L3MBTL1: variants seen among roughly 807,000 people sequenced by gnomAD.
L3MBTL1 encodes the protein lethal(3)malignant brain tumor-like protein 1.
L3MBTL1 carries 75 observed loss-of-function variants against 105.3 expected under a neutral mutation model. The observed-to-expected ratio is 0.71, with a 90% CI of 0.59 to 0.86. The LOEUF (loss-of-function observed/expected upper bound fraction) is 0.86, where lower values mean the gene tolerates loss of function less well. L3MBTL1 is among the 40% of genes least tolerant of loss of function. The pLI is 0.00. For missense variants in L3MBTL1, 1,069 were observed against 1,126.4 expected, an observed-to-expected ratio of 0.95 and a Z score of 0.73; for synonymous variants, 452 against 436.2, an observed-to-expected ratio of 1.04 and a Z score of -0.45.
exon 19 of L3MBTL1, chr20:43,548,316 C>T (rs6065622): frequency 1.6e-5 from 20 of 1,231,678 alleles, no homozygotes; most frequent in Non-Finnish European, 1.9e-5. Flanking sequence ...TCTTCCTGAC[C>T]TGAATTCCTC....
At chr20:43,537,256 T>C (rs756228539) in intron 19 of L3MBTL1, among the ~76,000 whole-genome samples, 30 of 152,356 alleles carry the variant, frequency 2.0e-4, no homozygotes, top group Non-Finnish European at 3.8e-4. Context: ...GCTTACACAA[T>C]AGAAATTTAT....
downstream of L3MBTL1, among the ~76,000 whole-genome samples, chr20:43,544,423 C>G (rs980168758): frequency 6.6e-6 from 1 of 152,216 alleles, no homozygotes; most frequent in Non-Finnish European, 1.5e-5. Flanking sequence ...CCTCTACCTT[C>G]AAGGTCAGAA....
chr20:43,508,282 G>A (rs1416329151), intron 1 of L3MBTL1, among the ~76,000 whole-genome samples: 1 of 151,584 alleles, frequency 6.6e-6, no homozygotes, highest in Admixed American at 6.6e-5. Flanking sequence ...CGGAACTGTC[G>A]GATCAGTGAC....
chr20:43,510,140 C>T (rs2018093165), intron 1 of L3MBTL1, among the ~76,000 whole-genome samples: 1 of 152,166 alleles, frequency 6.6e-6, no homozygotes, highest in Non-Finnish European at 1.5e-5. Flanking sequence ...CAGGTGTGAG[C>T]CACCACGCAT....
chr20:43,548,214 T>C (rs1177362627), exon 19 of L3MBTL1: 8 of 1,304,288 alleles, frequency 6.1e-6, no homozygotes, highest in Non-Finnish European at 7.1e-6. Context: ...GCCATTCTCA[T>C]GTTCAAAAAC....
intron 7 of L3MBTL1, among the ~76,000 whole-genome samples, chr20:43,519,134 C>T (rs1210392200): frequency 1.3e-4 from 20 of 151,490 alleles, no homozygotes; most frequent in Admixed American, 1.1e-3. Context: ...CTCAGGAATT[C>T]GAGACCAGCC....
rs1258098294 is a variant in L3MBTL1, at chr20:43,537,911, A to G, written c.2173+1453A>G. Reference sequence around the variant, plus strand: ...GGCTGAGAGATCTTGGGTGGGTGACACTCCTCTCTGAGCCTCACCTTCCTT... The same window carrying G: ...GGCTGAGAGATCTTGGGTGGGTGACGCTCCTCTCTGAGCCTCACCTTCCTT... On this transcript the variant is annotated intron_variant, in intron 19 of 21. Coordinates refer to ENST00000418998, the MANE Select transcript of L3MBTL1 (RefSeq NM_001377303.1). Among the ~76,000 whole-genome samples the G allele has an allele frequency of 2.6e-5, 4 of 151,960 alleles. 1 individual carries two copies. The South Asian group carries it at 6.2e-4, about 24-fold the overall frequency.
intron 16 of L3MBTL1, among the ~76,000 whole-genome samples, chr20:43,535,207 G>A (rs889023792): frequency 3.9e-5 from 6 of 152,122 alleles, no homozygotes; most frequent in African/African-American, 1.2e-4. Context: ...CTTCAGAGGT[G>A]GTCAGGCACC....
At chr20:43,520,982 G>A (rs1374589476) in intron 7 of L3MBTL1, among the ~76,000 whole-genome samples, 1 of 152,194 alleles carries the variant, frequency 6.6e-6, no homozygotes, top group East Asian at 1.9e-4. Flanking sequence ...AGAAACCAAA[G>A]GCAATTTTAA....
At chr20:43,515,191 C>T in intron 5 of L3MBTL1, 32 bp downstream of exon 5, 7 of 1,614,126 alleles carry the variant, frequency 4.3e-6, no homozygotes, top group Non-Finnish European at 5.9e-6. Flanking sequence ...CCTACTTGCT[C>T]TACCTTCAGC....
intron 1 of L3MBTL1, among the ~76,000 whole-genome samples, chr20:43,509,521 C>T (rs1231352636): frequency 2.0e-5 from 3 of 152,206 alleles, no homozygotes; most frequent in Non-Finnish European, 4.4e-5. Context: ...GCCACCAGGC[C>T]TCGCCCCAGT....
rs1185240829 is a variant in L3MBTL1, at chr20:43,513,503, GATGGAGGGGCATGCTGAA to G, written c.7_24del (p.GlyHisAlaGluMetGlu3_?8). The G allele has an allele frequency of 1.3e-6, 2 of 1,550,590 alleles. No homozygotes were observed. Among genetic ancestry groups the G allele is most frequent in the South Asian group, 2.4e-5 (2 of 84,050 alleles). On this transcript the variant is annotated start_lost and inframe_deletion, in exon 2 of 22. Coordinates refer to ENST00000418998, the MANE Select transcript of L3MBTL1 (RefSeq NM_001377303.1). ...CTGCCAGGATGGAGGGGCATGCTGGGATGGAGGGGCATGCTGAAATGGAGATGCTGAGGACACTGAAGG... is the reference window on the plus strand; with the variant it reads ...CTGCCAGGATGGAGGGGCATGCTGGGATGGAGATGCTGAGGACACTGAAGG...
chr20:43,529,377 G>A lies in L3MBTL1; in HGVS notation c.1056+9G>A. On this transcript the variant is annotated intron_variant, in intron 9 of 21. Coordinates refer to ENST00000418998, the MANE Select transcript of L3MBTL1 (RefSeq NM_001377303.1). ...TCCTCACCGTGGCTGAGGTGAGCTG[G>A]GGCTTGGTACCACCTTTCTGATGAT... 1.3e-6 allele frequency: 2 copies of A among 1,591,662 alleles called. No homozygotes were observed. Among genetic ancestry groups the A allele is most frequent in the South Asian group, 1.1e-5 (1 of 88,830 alleles).
intron 1 of L3MBTL1, among the ~76,000 whole-genome samples, chr20:43,512,459 T>C (rs2018158050): frequency 6.6e-6 from 1 of 152,240 alleles, no homozygotes; most frequent in Non-Finnish European, 1.5e-5. Flanking sequence ...CATCCTCCCG[T>C]GTCAGTCTCC....
exon 19 of L3MBTL1, chr20:43,550,146 C>T (rs1430187702): frequency 6.6e-6 from 1 of 152,220 alleles, no homozygotes; most frequent in African/African-American, 2.4e-5. Flanking sequence ...TTGCTTTTAT[C>T]TTAGTTGTCT....
chr20:43,515,732 A>G (rs1435624567), intron 6 of L3MBTL1, among the ~76,000 whole-genome samples: 4 of 152,262 alleles, frequency 2.6e-5, no homozygotes, highest in African/African-American at 9.6e-5. Context: ...TGCCTAGGCC[A>G]AAGGCCAGGG....
chr20:43,540,548 C>T (rs1481138661), intron 20 of L3MBTL1, among the ~76,000 whole-genome samples: 1 of 152,152 alleles, frequency 6.6e-6, no homozygotes, highest in Non-Finnish European at 1.5e-5. Context: ...AGAAATCCAG[C>T]AGGAGAGGCA....
intron 11 of L3MBTL1, chr20:43,532,185 G>C (rs1171952365): frequency 6.6e-6 from 1 of 152,436 alleles, no homozygotes; most frequent in African/African-American, 2.4e-5. Flanking sequence ...GGTCCTGCCT[G>C]CTGTTGTGAC....
intron 7 of L3MBTL1, among the ~76,000 whole-genome samples, chr20:43,524,164 C>T (rs2018893568): frequency 6.6e-6 from 1 of 151,984 alleles, no homozygotes; most frequent in Non-Finnish European, 1.5e-5. Context: ...AATTTATTTC[C>T]ATTTTCTTTG....
Sources: allele counts gnomAD v4.1 joint callset (sites outside exome capture counted in the v4.1 genomes callset), GRCh38; gene constraint gnomAD v4.1.1; transcripts MANE v1.5; gene names NCBI Gene and HGNC (gene_info 2026-07-23, HGNC 2026-07-21).